The following GRM7 variants were observed in gnomAD, a reference collection of about 807,000 sequenced individuals.
GRM7 encodes the protein glutamate metabotropic receptor 7, also known as metabotropic glutamate receptor 7.
A neutral mutation model predicts 84.5 loss-of-function variants in GRM7; 35 were observed. That is an observed-to-expected ratio of 0.41 (90% CI 0.32 to 0.55). GRM7 has a LOEUF of 0.55. Among genes scored for constraint, GRM7 ranks in the 20% least tolerant of loss-of-function variants. GRM7 has a pLI of 0.19. For synonymous variants in GRM7, 487 were observed against 455.1 expected (o/e 1.07, Z -0.89); for missense variants, 1,003 against 1,194.6 (o/e 0.84, Z 2.36).
chr3:7,390,144 C>T lies in GRM7; in HGVS notation c.1034-24879C>T, dbSNP rs201347490. On this transcript the variant is annotated intron_variant, in intron 4 of 9. Coordinates refer to ENST00000357716, the MANE Select transcript of GRM7 (RefSeq NM_000844.4). The stretch of plus-strand genomic sequence containing the variant: ...ATTTGGTGGGATATTAAATTCTCAG[C>T]TGGCATTTTTTTCTTTAAGAATGCT... Among the ~76,000 whole-genome samples the T allele has an allele frequency of 4.0e-4, 61 of 152,174 alleles. 1 individual carries two copies. The East Asian group carries it at 9.7e-3, about 24-fold the overall frequency.
chr3:7,160,946 G>C (rs1449737447), intron 2 of GRM7, among the ~76,000 whole-genome samples: 2 of 152,118 alleles, frequency 1.3e-5, no homozygotes, highest in Non-Finnish European at 2.9e-5. Context: ...GACACAGTGT[G>C]TTCTCAAATA....
At chr3:7,456,531 G>T (rs545813260) in intron 6 of GRM7, among the ~76,000 whole-genome samples, 1 of 151,456 alleles carries the variant, frequency 6.6e-6, no homozygotes, top group Non-Finnish European at 1.5e-5. Flanking sequence ...GCTAGGTAGC[G>T]ATGATGTTAT....
intron 1 of GRM7, among the ~76,000 whole-genome samples, chr3:6,927,652 T>G (rs1311279657): frequency 6.6e-6 from 1 of 152,204 alleles, no homozygotes; most frequent in African/African-American, 2.4e-5. Flanking sequence ...TGCATTTATG[T>G]TCATATGCAT....
intron 4 of GRM7, among the ~76,000 whole-genome samples, chr3:7,358,273 G>A (rs762499019): frequency 2.6e-5 from 4 of 152,040 alleles, no homozygotes; most frequent in African/African-American, 9.7e-5. Flanking sequence ...GGCAAGAAAG[G>A]GCAGACTAAA....
intron 1 of GRM7, among the ~76,000 whole-genome samples, chr3:7,002,022 C>A (rs545489261): frequency 2.0e-5 from 3 of 152,044 alleles, no homozygotes; most frequent in Non-Finnish European, 4.4e-5. Context: ...TTAAAATAAC[C>A]GTAAGTTATA....
chr3:7,343,600 A>T (rs1039989640), intron 4 of GRM7, among the ~76,000 whole-genome samples: 3 of 152,150 alleles, frequency 2.0e-5, no homozygotes, highest in Non-Finnish European at 4.4e-5. Context: ...TTGCACAGTT[A>T]TTGATGCTCA....
intron 5 of GRM7, among the ~76,000 whole-genome samples, chr3:7,436,475 G>A (rs539410693): frequency 1.5e-5 from 2 of 137,878 alleles, no homozygotes; most frequent in East Asian, 2.4e-4. Flanking sequence ...AAAACATGTC[G>A]TGGGCCATAC....
At chr3:7,370,400 T>C (rs1268209135) in intron 4 of GRM7, among the ~76,000 whole-genome samples, 1 of 152,136 alleles carries the variant, frequency 6.6e-6, no homozygotes, top group African/African-American at 2.4e-5. Context: ...TCATCTTGAA[T>C]TGTAGTTCCC....
intron 2 of GRM7, among the ~76,000 whole-genome samples, chr3:7,162,831 T>G (rs953877210): frequency 1.4e-5 from 2 of 142,230 alleles, no homozygotes; most frequent in Admixed American, 7.5e-5. Context: ...GTGATCTCAG[T>G]TCGCTGCAAC....
intron 2 of GRM7, among the ~76,000 whole-genome samples, chr3:7,274,868 T>A (rs1698995062): frequency 6.6e-6 from 1 of 152,092 alleles, no homozygotes; most frequent in Non-Finnish European, 1.5e-5. Flanking sequence ...ATATATTGTT[T>A]CAAATATTTC....
intron 2 of GRM7, among the ~76,000 whole-genome samples, chr3:7,267,844 A>G (rs963459348): frequency 1.2e-4 from 18 of 152,000 alleles, no homozygotes; most frequent in Non-Finnish European, 1.5e-5. Context: ...CTGAGGAGGA[A>G]CTCAGATGTG....
At chr3:7,546,664 T>C (rs1195088171) in intron 7 of GRM7, among the ~76,000 whole-genome samples, 3 of 152,164 alleles carry the variant, frequency 2.0e-5, no homozygotes, top group Non-Finnish European at 4.4e-5. Flanking sequence ...GAATTAGTCA[T>C]ATTTTCCACT....
intron 8 of GRM7, among the ~76,000 whole-genome samples, chr3:7,647,207 G>A (rs879615119): frequency 1.8e-4 from 27 of 152,192 alleles, no homozygotes; most frequent in African/African-American, 5.8e-4. Context: ...TCATGCTTCC[G>A]AGCCAAAGAA....
intron 1 of GRM7, among the ~76,000 whole-genome samples, chr3:7,020,916 G>A (rs1275689435): frequency 6.6e-6 from 1 of 152,140 alleles, no homozygotes; most frequent in Admixed American, 6.5e-5. Flanking sequence ...ATAATGTAAA[G>A]CGGTTTCTGA....
intron 6 of GRM7, among the ~76,000 whole-genome samples, 196 bp from the exon 7 acceptor site, chr3:7,461,387 T>A (rs1056478254): frequency 2.0e-5 from 3 of 152,144 alleles, no homozygotes; most frequent in Non-Finnish European, 4.4e-5. Context: ...GTCTTCCACC[T>A]TCTATAATTA....
chr3:7,295,169 A>G (rs1406686684), intron 2 of GRM7, among the ~76,000 whole-genome samples: 3 of 152,146 alleles, frequency 2.0e-5, no homozygotes, highest in Non-Finnish European at 4.4e-5. Context: ...ATCCATTTAG[A>G]GTTAATTTCT....
At chr3:7,267,423 G>T (rs1381250087) in intron 2 of GRM7, among the ~76,000 whole-genome samples, 2 of 152,216 alleles carry the variant, frequency 1.3e-5, no homozygotes. Context: ...TGAGAAAGTT[G>T]TAGCAATTGG....
chr3:7,154,712 C>A (rs936269199), intron 2 of GRM7, among the ~76,000 whole-genome samples: 3 of 151,986 alleles, frequency 2.0e-5, no homozygotes, highest in Admixed American at 1.3e-4. Flanking sequence ...GGTTAATTGG[C>A]TGAGGGGGAA....
rs185518772 is a variant in GRM7 at position 7,353,755 on chromosome 3, A to G, written c.1033+47103A>G. Among the ~76,000 whole-genome samples, 207 of 152,240 alleles carry G rather than the reference A, an allele frequency of 1.4e-3. 1 individual carries two copies. The highest frequency in any genetic ancestry group is 6.8e-3 in the Middle Eastern group (2 of 294). On this transcript the variant is annotated intron_variant, in intron 4 of 9. Transcript: ENST00000357716. ...AACCACAGTCACTCAATTGGAAAAC[A>G]TATATGCGATGAGAAGAATTGGATC...
Sources: gnomAD v4.1 joint callset for allele counts (sites outside exome capture counted in the v4.1 genomes callset) on GRCh38, gnomAD v4.1.1 for gene constraint, MANE v1.5 for transcripts, NCBI Gene and HGNC (gene_info 2026-07-23, HGNC 2026-07-21) for gene names.